The following HS6ST3 variants were observed in gnomAD, a reference collection of about 807,000 sequenced individuals.
HS6ST3 encodes the protein heparan-sulfate 6-O-sulfotransferase 3.
HS6ST3 carries 12 observed loss-of-function variants against 36.7 expected under a neutral mutation model. That is an observed-to-expected ratio of 0.33 (90% CI 0.21 to 0.53). The LOEUF is 0.53. Among genes scored for constraint, HS6ST3 ranks in the 20% least tolerant of loss-of-function variants. HS6ST3 has a pLI of 0.95. For missense variants in HS6ST3, 584 were observed against 640.9 expected (o/e 0.91, Z 0.96); for synonymous variants, 240 against 257.5 (o/e 0.93, Z 0.65).
chr13:96,617,905 C>G (rs932359361), intron 1 of HS6ST3, among the ~76,000 whole-genome samples: 1 of 152,188 alleles, frequency 6.6e-6, no homozygotes. Context: ...ATGAAGTATT[C>G]TCCAGGGATT....
At chr13:96,362,056 T>C (rs899759346) in intron 1 of HS6ST3, among the ~76,000 whole-genome samples, 4 of 152,114 alleles carry the variant, frequency 2.6e-5, no homozygotes, top group African/African-American at 9.7e-5. Flanking sequence ...AGAACTGCAG[T>C]GCTAGGTAAT....
intron 1 of HS6ST3, among the ~76,000 whole-genome samples, chr13:96,348,116 A>G (rs770892653): frequency 1.3e-5 from 2 of 152,238 alleles, no homozygotes; most frequent in Admixed American, 6.5e-5. Flanking sequence ...AAATATGGGA[A>G]GAGGTACTTG....
chr13:96,163,804 C>T (rs2054148597), intron 1 of HS6ST3, among the ~76,000 whole-genome samples: 1 of 152,180 alleles, frequency 6.6e-6, no homozygotes. Flanking sequence ...AAATTCTTCT[C>T]AGTAGAAGTT....
intron 1 of HS6ST3, among the ~76,000 whole-genome samples, chr13:96,740,338 C>T (rs1010299467): frequency 3.9e-5 from 6 of 152,078 alleles, no homozygotes; most frequent in African/African-American, 1.4e-4. Context: ...AGAATGAACA[C>T]AAAGGCTCCT....
intron 1 of HS6ST3, among the ~76,000 whole-genome samples, chr13:96,259,692 T>C (rs2054654707): frequency 1.3e-5 from 2 of 152,250 alleles, no homozygotes; most frequent in South Asian, 4.1e-4. Context: ...GTCTGCCTCA[T>C]GTCTTTATAG....
chr13:96,576,244 A>G (rs1413813175), intron 1 of HS6ST3, among the ~76,000 whole-genome samples: 1 of 146,136 alleles, frequency 6.8e-6, no homozygotes, highest in Non-Finnish European at 1.5e-5. Context: ...ATGTGATGAC[A>G]GGGTGCACAG....
chr13:96,586,499 T>C (rs1325894998), intron 1 of HS6ST3, among the ~76,000 whole-genome samples: 2 of 152,188 alleles, frequency 1.3e-5, no homozygotes, highest in Admixed American at 6.5e-5. Context: ...TTTCACCATG[T>C]TGGCCAGGCT....
At chr13:96,140,183 CACAT>C (rs2054024690) in intron 1 of HS6ST3, among the ~76,000 whole-genome samples, 2 of 152,058 alleles carry the variant, frequency 1.3e-5, no homozygotes, top group Non-Finnish European at 2.9e-5. Flanking sequence ...TGCAAACAAA[CACAT>C]ACCATACATA....
At chr13:96,135,610 T>C (rs1051807813) in intron 1 of HS6ST3, among the ~76,000 whole-genome samples, 1 of 152,278 alleles carries the variant, frequency 6.6e-6, no homozygotes, top group Middle Eastern at 3.4e-3. Flanking sequence ...TCTGTGTTTA[T>C]GGAGAAAAAC....
chr13:96,815,192 A>C (rs1878394738), intron 1 of HS6ST3, among the ~76,000 whole-genome samples: 1 of 152,192 alleles, frequency 6.6e-6, no homozygotes. Flanking sequence ...ACACCGTGCC[A>C]GGCCTCTTCT....
At chr13:96,531,212 C>A (rs1301473750) in intron 1 of HS6ST3, among the ~76,000 whole-genome samples, 1 of 152,106 alleles carries the variant, frequency 6.6e-6, no homozygotes, top group Non-Finnish European at 1.5e-5. Flanking sequence ...GTTCGGAAAT[C>A]CCTCTTCCCC....
chr13:96,190,441 A>G (rs534466575), intron 1 of HS6ST3, among the ~76,000 whole-genome samples: 14 of 152,108 alleles, frequency 9.2e-5, no homozygotes, highest in Non-Finnish European at 1.9e-4. Context: ...TCATATTGAA[A>G]TCAAACTCCT....
chr13:96,296,680 A>G (rs1234390840), intron 1 of HS6ST3, among the ~76,000 whole-genome samples: 1 of 152,080 alleles, frequency 6.6e-6, no homozygotes, highest in Non-Finnish European at 1.5e-5. Flanking sequence ...TGTTACCCTG[A>G]TATTCATTTT....
intron 1 of HS6ST3, among the ~76,000 whole-genome samples, chr13:96,371,830 A>G (rs1455497241): frequency 6.6e-6 from 1 of 152,142 alleles, no homozygotes; most frequent in Non-Finnish European, 1.5e-5. Context: ...ATTCTATTGC[A>G]TATATATGTA....
chr13:96,474,665 C>A (rs2055854988), intron 1 of HS6ST3, among the ~76,000 whole-genome samples: 9 of 152,050 alleles, frequency 5.9e-5, no homozygotes, highest in Admixed American at 5.9e-4. Context: ...CTAGGTAGAA[C>A]AATAATCGGC....
intron 1 of HS6ST3, among the ~76,000 whole-genome samples, chr13:96,239,117 G>T (rs1343028369): frequency 1.3e-5 from 2 of 152,116 alleles, no homozygotes; most frequent in African/African-American, 4.8e-5. Context: ...ATCTCTTCAG[G>T]CAACCTGACT....
intron 1 of HS6ST3, among the ~76,000 whole-genome samples, chr13:96,315,087 T>A (rs2139411145): frequency 6.6e-6 from 1 of 152,326 alleles, no homozygotes; most frequent in Admixed American, 6.5e-5. Flanking sequence ...CAATTGTTAC[T>A]AAACAGAAAG....
At chr13:96,107,548 C>T (rs2053847346) in intron 1 of HS6ST3, among the ~76,000 whole-genome samples, 1 of 152,124 alleles carries the variant, frequency 6.6e-6, no homozygotes, top group Non-Finnish European at 1.5e-5. Context: ...ATGACATGTG[C>T]TCCAGAAGAC....
intron 1 of HS6ST3, among the ~76,000 whole-genome samples, chr13:96,408,796 G>A (rs1327080354): frequency 3.3e-5 from 5 of 151,996 alleles, no homozygotes; most frequent in African/African-American, 9.7e-5. Flanking sequence ...GGTGGTGGGG[G>A]CCTGTAATCC....
Sources: gnomAD v4.1 joint callset for allele counts (sites outside exome capture counted in the v4.1 genomes callset) on GRCh38, gnomAD v4.1.1 for gene constraint, MANE v1.5 for transcripts, NCBI Gene and HGNC (gene_info 2026-07-23, HGNC 2026-07-21) for gene names.